RABGAP1: variants seen among roughly 807,000 people sequenced by gnomAD.
RABGAP1 encodes the protein rab GTPase-activating protein 1.
RABGAP1 carries 23 observed loss-of-function variants against 137.6 expected under a neutral mutation model. The observed-to-expected ratio is 0.17, with a 90% confidence interval of 0.12 to 0.24. The LOEUF is 0.24. Ranked by LOEUF, RABGAP1 falls within the 10% of genes least tolerant of loss-of-function variation. The probability of loss-of-function intolerance (pLI) is 1.00; values close to 1 mark genes in which losing one functional copy is unlikely to be tolerated. For missense variants in RABGAP1, 906 were observed against 1,275.8 expected (o/e 0.71, Z 4.42); for synonymous variants, 451 against 450.7 (o/e 1.00, Z -0.01).
chr9:122,976,701 T>C (rs961046996), intron 2 of RABGAP1, among the ~76,000 whole-genome samples: 2 of 152,188 alleles, frequency 1.3e-5, no homozygotes, highest in African/African-American at 4.8e-5. Context: ...TTTGGGGATA[T>C]AAAGATAATT....
At chr9:123,001,523 T>TA (rs1391798573) in intron 10 of RABGAP1, among the ~76,000 whole-genome samples, 1 of 152,190 alleles carries the variant, frequency 6.6e-6, no homozygotes, top group African/African-American at 2.4e-5. Flanking sequence ...CATGGACACT[T>TA]ATTTTCAGTG....
At chr9:122,976,635 T>C (rs1171137495) in intron 2 of RABGAP1, among the ~76,000 whole-genome samples, 3 of 152,216 alleles carry the variant, frequency 2.0e-5, no homozygotes, top group Non-Finnish European at 4.4e-5. Flanking sequence ...ATTTGTAACA[T>C]TCAGTTCAGT....
At chr9:122,948,857 A>G (rs1440151931) in intron 1 of RABGAP1, among the ~76,000 whole-genome samples, 1 of 152,210 alleles carries the variant, frequency 6.6e-6, no homozygotes, top group Non-Finnish European at 1.5e-5. Flanking sequence ...CATATTACTT[A>G]GACCCTACTA....
chr9:123,058,286 T>C (rs1412515799), intron 13 of RABGAP1, among the ~76,000 whole-genome samples: 1 of 152,016 alleles, frequency 6.6e-6, no homozygotes, highest in African/African-American at 2.4e-5. Context: ...GGTAGGATAA[T>C]GGCCAAATAA....
At chr9:122,935,610 G>A in the RABGAP1 span, among the ~76,000 whole-genome samples, 2 of 151,994 alleles carry the variant, frequency 1.3e-5, no homozygotes, top group Non-Finnish European at 2.9e-5. Flanking sequence ...CAAAATGCTG[G>A]GATTACAGAC....
intron 19 of RABGAP1, among the ~76,000 whole-genome samples, chr9:123,082,279 T>C (rs1460462443): frequency 6.6e-6 from 1 of 152,168 alleles, no homozygotes; most frequent in Non-Finnish European, 1.5e-5. Context: ...TAGAACTCAT[T>C]TAGCTATCCA....
Position 122,981,585 on chromosome 9 carries a change from T to C in RABGAP1, c.151-2900T>C, listed in dbSNP as rs117771734. 7.9e-4 allele frequency among the ~76,000 whole-genome samples: 120 copies of C among 152,292 alleles called. No homozygotes were observed. The East Asian group carries it at 0.018, about 23-fold the overall frequency. ...AAATTATTGAATACCACCCCAGACT[T>C]AGTTAATTGGAAACTCAGGTAGGGC... On this transcript the variant is annotated intron_variant, in intron 2 of 25. Coordinates refer to ENST00000373647, the MANE Select transcript of RABGAP1 (RefSeq NM_012197.4).
chr9:123,051,717 GTT>G (rs540346634), intron 13 of RABGAP1, among the ~76,000 whole-genome samples: 264 of 151,694 alleles, frequency 1.7e-3, no homozygotes, highest in African/African-American at 5.6e-3. Flanking sequence ...ACCAATTTTA[GTT>G]ATAAGAGTCT....
At chr9:123,034,628 A>G (rs769816970) in intron 13 of RABGAP1, 1 of 1,613,868 alleles carries the variant, frequency 6.2e-7, no homozygotes, top group African/African-American at 1.3e-5. Flanking sequence ...GCATTTGGCT[A>G]TTTGGAAACT....
chr9:123,097,204 G>T (rs1564192577), intron 21 of RABGAP1, among the ~76,000 whole-genome samples: 1 of 152,200 alleles, frequency 6.6e-6, no homozygotes, highest in Non-Finnish European at 1.5e-5. Context: ...AAAAAGACTG[G>T]AGTGGAGAGT....
At position 123,010,536 on chromosome 9, in the gene RABGAP1, G is replaced by A; in HGVS notation, c.1549+8G>A. On this transcript the variant is annotated splice_region_variant and intron_variant, in intron 11 of 25. Transcript: ENST00000373647. Reference sequence around the variant, plus strand: ...AAGATGATGAAGAGGAAGGTAAACTGTAGGGATAGCTTAATTTATTTTTGG... The same window carrying A: ...AAGATGATGAAGAGGAAGGTAAACTATAGGGATAGCTTAATTTATTTTTGG... 2 of 1,609,370 alleles carry A rather than the reference G, an allele frequency of 1.2e-6. No individual in the cohort carries two copies. The highest frequency in any genetic ancestry group is 1.7e-6 in the Non-Finnish European group (2 of 1,176,322).
chr9:123,059,608 T>C (rs1235883137), intron 13 of RABGAP1, among the ~76,000 whole-genome samples: 3 of 152,142 alleles, frequency 2.0e-5, no homozygotes, highest in Admixed American at 6.5e-5. Flanking sequence ...ACTAATGTGA[T>C]GCTGTTAGGA....
At chr9:123,054,424 TTTTTA>T (rs750988754) in intron 13 of RABGAP1, among the ~76,000 whole-genome samples, 29 of 152,240 alleles carry the variant, frequency 1.9e-4, no homozygotes, top group Non-Finnish European at 3.8e-4. Flanking sequence ...AATTAACCTT[TTTTTA>T]TTTTAATAAA....
At chr9:122,977,888 C>T (rs1835846963) in intron 2 of RABGAP1, among the ~76,000 whole-genome samples, 1 of 152,060 alleles carries the variant, frequency 6.6e-6, no homozygotes, top group Non-Finnish European at 1.5e-5. Flanking sequence ...AGTCTAATAA[C>T]GTGAAGTTAA....
At chr9:123,085,240 G>A (rs919173462) in intron 19 of RABGAP1, among the ~76,000 whole-genome samples, 5 of 152,154 alleles carry the variant, frequency 3.3e-5, no homozygotes, top group East Asian at 1.9e-4. Flanking sequence ...TCTTAACCTG[G>A]GACAATGGAC....
chr9:122,996,002 A>T, intron 6 of RABGAP1, 39 bp from the exon 7 acceptor site: 1 of 1,551,044 alleles, frequency 6.4e-7, no homozygotes, highest in Non-Finnish European at 8.7e-7. Context: ...TGTGACAAGA[A>T]AATGCTTTGC....
upstream of RABGAP1, among the ~76,000 whole-genome samples, chr9:122,936,195 T>C (rs187432436): frequency 5.9e-4 from 90 of 152,334 alleles, 1 homozygote; most frequent in South Asian, 1.0e-3. Context: ...GTTTTGACCA[T>C]GATTTCTTGC....
intron 1 of RABGAP1, among the ~76,000 whole-genome samples, chr9:122,951,408 C>G (rs1834236264): frequency 6.6e-6 from 1 of 150,890 alleles, no homozygotes; most frequent in Non-Finnish European, 1.5e-5. Context: ...TGATAGTACT[C>G]TGTCTCAAAA....
intron 13 of RABGAP1, among the ~76,000 whole-genome samples, chr9:123,049,189 T>TGTTAAA (rs3049219): frequency 0.24 from 37,013 of 151,812 alleles, 6,406 homozygotes; most frequent in East Asian, 0.64. Context: ...CTAAAGTATA[T>TGTTAAA]GTTAAAGGAG....
Sources: gnomAD v4.1 joint callset for allele counts (sites outside exome capture counted in the v4.1 genomes callset) on GRCh38, gnomAD v4.1.1 for gene constraint, MANE v1.5 for transcripts, NCBI Gene and HGNC (gene_info 2026-07-23, HGNC 2026-07-21) for gene names.